The following ELP4 variants were observed in gnomAD, a reference collection of about 807,000 sequenced individuals.
The protein encoded by ELP4 is elongator acetyltransferase complex subunit 4, also known as elongator complex protein 4.
A neutral mutation model predicts 48.9 loss-of-function variants in ELP4; 51 were observed. The observed-to-expected ratio is 1.04, with a 90% CI of 0.83 to 1.32. The LOEUF is 1.32. Among genes scored for constraint, ELP4 ranks in the 40% most tolerant of loss-of-function variants. The probability of loss-of-function intolerance (pLI) is 0.00; values close to 1 mark genes in which losing one functional copy is unlikely to be tolerated. For missense variants in ELP4, 519 were observed against 514.6 expected (o/e 1.01, Z -0.08); for synonymous variants, 210 against 189.2 (o/e 1.11, Z -0.90).
At chr11:31,771,634 T>C (rs1948144441) in intron 9 of ELP4, among the ~76,000 whole-genome samples, 2 of 152,194 alleles carry the variant, frequency 1.3e-5, no homozygotes, top group African/African-American at 4.8e-5. Flanking sequence ...TCCATTTTAT[T>C]CCCTTTGCCT....
intron 9 of ELP4, among the ~76,000 whole-genome samples, chr11:31,733,256 A>C (rs1310546898): frequency 6.6e-6 from 1 of 152,066 alleles, no homozygotes; most frequent in Non-Finnish European, 1.5e-5. Context: ...CGGGTGGATC[A>C]CTTGAGGTCA....
intron 7 of ELP4, among the ~76,000 whole-genome samples, chr11:31,637,157 G>T (rs946072591): frequency 2.0e-5 from 3 of 151,606 alleles, no homozygotes; most frequent in African/African-American, 7.3e-5. Flanking sequence ...TGTTCCACTC[G>T]CCAAGAAGCC....
At chr11:31,587,262 A>G (rs535126204) in intron 3 of ELP4, among the ~76,000 whole-genome samples, 143 of 152,340 alleles carry the variant, frequency 9.4e-4, no homozygotes, top group Middle Eastern at 3.4e-3. Context: ...CCAGTGGTGA[A>G]TGAATCCATG....
At chr11:31,701,705 A>G (rs1946526374) in intron 9 of ELP4, among the ~76,000 whole-genome samples, 1 of 149,728 alleles carries the variant, frequency 6.7e-6, no homozygotes, top group Non-Finnish European at 1.5e-5. Context: ...AGACTAATAT[A>G]TATATAATAA....
In ELP4 at chr11:31,580,231, T is replaced by C. The variant is rs1312181189; in HGVS notation, c.382-14539T>C. Among the ~76,000 whole-genome samples, 14 of 152,334 alleles carry C rather than the reference T, an allele frequency of 9.2e-5. No individual in the cohort carries two copies. In the East Asian group the frequency reaches 1.4e-3, roughly 15 times the overall value. On this transcript the variant is annotated intron_variant, in intron 3 of 9. Transcript: ENST00000640961. Reference sequence around the variant, plus strand: ...AACACCAATTGTTCTTCCAGTCTGATTGGTTTTAGAAGCATACTACTTCAT... The same window carrying C: ...AACACCAATTGTTCTTCCAGTCTGACTGGTTTTAGAAGCATACTACTTCAT...
At chr11:31,514,675 G>A (rs1209256736) in intron 1 of ELP4, among the ~76,000 whole-genome samples, 3 of 152,140 alleles carry the variant, frequency 2.0e-5, no homozygotes. Context: ...GTAACTATTA[G>A]TGTGAGGTCT....
At chr11:31,643,564 CTAAG>C (rs1945142351) in intron 7 of ELP4, among the ~76,000 whole-genome samples, 1 of 151,686 alleles carries the variant, frequency 6.6e-6, no homozygotes, top group Non-Finnish European at 1.5e-5. Flanking sequence ...CTTGGTAACT[CTAAG>C]TAGATATCTG....
At chr11:31,742,759 A>G (rs892013084) in intron 9 of ELP4, among the ~76,000 whole-genome samples, 1 of 152,206 alleles carries the variant, frequency 6.6e-6, no homozygotes, top group Non-Finnish European at 1.5e-5. Flanking sequence ...AGCACTAAAC[A>G]TGGAAAGGAT....
chr11:31,555,033 T>C (rs1429879447), intron 3 of ELP4, among the ~76,000 whole-genome samples: 1 of 152,174 alleles, frequency 6.6e-6, no homozygotes, highest in African/African-American at 2.4e-5. Flanking sequence ...CTTACACAGA[T>C]GAGTACCGAA....
rs1456271588 is a variant in ELP4 at position 31,786,863 on chromosome 11, A to G, written c.*3339A>G. 4.6e-6 allele frequency: 1 copy of G among 218,018 alleles called. No individual in the cohort carries two copies. The highest frequency in any genetic ancestry group is 6.8e-5 in the East Asian group (1 of 14,748). 13.5% of individuals were successfully genotyped at this position (218,018 alleles called of 1,614,324 possible). On this transcript the variant is annotated 3_prime_UTR_variant, in exon 10 of 10. Coordinates refer to ENST00000640961, the MANE Select transcript of ELP4 (RefSeq NM_019040.5). ...AAAACATTCAGCTCTTATTCTATTC[A>G]CCTGGTTTTCCCAAGTCAGTCAAGT...
intron 7 of ELP4, among the ~76,000 whole-genome samples, chr11:31,639,765 CTT>C (rs1945052754): frequency 6.6e-6 from 1 of 151,716 alleles, no homozygotes; most frequent in Admixed American, 6.6e-5. Flanking sequence ...ATTCAGAAAC[CTT>C]TCATTACACT....
intron 9 of ELP4, among the ~76,000 whole-genome samples, chr11:31,670,341 C>G (rs184875301): frequency 6.6e-6 from 1 of 152,236 alleles, no homozygotes; most frequent in Admixed American, 6.5e-5. Flanking sequence ...CATGGGCTTA[C>G]ATATTCATTG....
intron 3 of ELP4, among the ~76,000 whole-genome samples, chr11:31,571,055 C>G (rs780506354): frequency 6.6e-6 from 1 of 152,150 alleles, no homozygotes; most frequent in Non-Finnish European, 1.5e-5. Context: ...GTCTCGGCCT[C>G]CCAAAGTGCT....
At position 31,786,102 on chromosome 11, in the gene ELP4, A is replaced by G. The variant is rs1326929812; in HGVS notation, c.*2578A>G. 9.9e-6 allele frequency: 2 copies of G among 202,450 alleles called. No individual in the cohort carries two copies. The highest frequency in any genetic ancestry group is 2.0e-5 in the Non-Finnish European group (2 of 98,568). 12.5% of individuals were successfully genotyped at this position (202,450 alleles called of 1,614,324 possible). ...TTTTAGTAGCCACCATACAATATCTACTTTTCTCTTCCATTTATTCCTTAT... is the reference window on the plus strand; with the variant it reads ...TTTTAGTAGCCACCATACAATATCTGCTTTTCTCTTCCATTTATTCCTTAT... On this transcript the variant is annotated 3_prime_UTR_variant, in exon 10 of 10. Transcript: ENST00000640961.
At chr11:31,551,620 G>A (rs932968886) in intron 3 of ELP4, among the ~76,000 whole-genome samples, 1 of 151,998 alleles carries the variant, frequency 6.6e-6, no homozygotes, top group Non-Finnish European at 1.5e-5. Context: ...CACTTTTACC[G>A]TGAACTTTTT....
chr11:31,667,605 A>G (rs1945707895), intron 9 of ELP4, among the ~76,000 whole-genome samples: 1 of 152,170 alleles, frequency 6.6e-6, no homozygotes. Context: ...AGGTAACACC[A>G]TCTAAAATAA....
chr11:31,744,360 G>A (rs986657466), intron 9 of ELP4, among the ~76,000 whole-genome samples: 4 of 152,100 alleles, frequency 2.6e-5, no homozygotes, highest in African/African-American at 9.7e-5. Context: ...CCAATCAATA[G>A]AAAAAGAGAG....
rs1948636166 is a variant in ELP4, at chr11:31,786,486, A to AAG, written c.*2966_*2967dup. 1 of 222,634 alleles carries AAG rather than the reference A, an allele frequency of 4.5e-6. No individual in the cohort carries two copies. The highest frequency in any genetic ancestry group is 6.5e-5 in the East Asian group (1 of 15,268). The allele number at this position is 222,634 out of a possible 1,614,324, so 13.8% of individuals were successfully genotyped here. A position where few individuals can be genotyped will look rare whatever the true frequency, so the allele number is the denominator to read the frequency against. On this transcript the variant is annotated 3_prime_UTR_variant, in exon 10 of 10. Coordinates refer to ENST00000640961, the MANE Select transcript of ELP4 (RefSeq NM_019040.5). Reference sequence around the variant, plus strand: ...TGAGGTTTATTCTTGAGAAATGAAAAAGAGAAGAATATATATTTCGCCTTG... The same window carrying AAG: ...TGAGGTTTATTCTTGAGAAATGAAAAAGAGAGAAGAATATATATTTCGCCTTG...
chr11:31,601,316 A>G (rs1313816272), intron 4 of ELP4, among the ~76,000 whole-genome samples: 2 of 152,112 alleles, frequency 1.3e-5, no homozygotes, highest in African/African-American at 2.4e-5. Context: ...TCCTGTAAGA[A>G]TATATTTTTA....
Sources: gnomAD v4.1 joint callset for allele counts (sites outside exome capture counted in the v4.1 genomes callset) on GRCh38, gnomAD v4.1.1 for gene constraint, MANE v1.5 for transcripts, NCBI Gene and HGNC (gene_info 2026-07-23, HGNC 2026-07-21) for gene names.